TUT1: variants seen among roughly 807,000 people sequenced by gnomAD.
TUT1 encodes terminal uridylyl transferase 1, U6 snRNA-specific.
A neutral mutation model predicts 48.8 loss-of-function variants in TUT1; 26 were observed. The ratio of observed to expected loss-of-function variants is 0.53; its 90% confidence interval spans 0.39 to 0.74. The LOEUF (loss-of-function observed/expected upper bound fraction) is 0.74. Among genes scored for constraint, TUT1 ranks in the 30% least tolerant of loss-of-function variants. The probability of loss-of-function intolerance (pLI) is 0.00; values close to 1 mark genes in which losing one functional copy is unlikely to be tolerated. For missense variants in TUT1, 1,065 were observed against 1,114.8 expected, an observed-to-expected ratio of 0.96 and a Z score of 0.64; for synonymous variants, 470 against 460.8, an observed-to-expected ratio of 1.02 and a Z score of -0.26.
Position 62,578,629 on chromosome 11 carries a change from G to C in TUT1, c.1092C>G (p.Ala364=), listed in dbSNP as rs1941770740. Residue 364 remains alanine (A), a synonymous_variant, in exon 5 of 9, where the codon GCC becomes GCG. Coordinates refer to ENST00000476907, the MANE Select transcript of TUT1 (RefSeq NM_022830.3). ...GVYRVQTVPS[A]RRPVVKFCHR... The stretch of plus-strand genomic sequence containing the variant: ...GACAGAACTTGACCACAGGGCGCCG[G>C]GCAGAGGGCACAGTTTGGACTCGAT... The C allele has an allele frequency of 1.2e-6, 2 of 1,614,018 alleles. No homozygotes were observed. The highest frequency in any genetic ancestry group is 1.6e-4 in the Middle Eastern group (1 of 6,084).
Position 62,575,984 on chromosome 11 carries a change from A to T in TUT1, c.1735T>A (p.Tyr579Asn). 6.2e-7 allele frequency: 1 copy of T among 1,614,000 alleles called. No homozygotes were observed. Among genetic ancestry groups the T allele is most frequent in the African/African-American group, 1.3e-5 (1 of 75,056 alleles). Residue 579 changes from tyrosine to asparagine, a missense_variant, in exon 9 of 9, where the codon TAC becomes AAC. Physicochemically the swap from Tyr to Asn is moderately radical, Grantham distance 143. Coordinates refer to ENST00000476907, the MANE Select transcript of TUT1 (RefSeq NM_022830.3). The stretch of plus-strand genomic sequence containing the variant: ...CGACCCCGGGAGGAACGGCGCTGGT[A>T]CTGGAGGCTTCGGCAGTAATTGGCT... ...AAANYCRSLQ[Y>N]QRRSSRGRDW...
intron 2 of TUT1, 75 bp downstream of exon 2, chr11:62,588,956 A>G: frequency 1.4e-6 from 2 of 1,412,240 alleles, no homozygotes; most frequent in Non-Finnish European, 1.9e-6. Context: ...AGCCTCCCAA[A>G]GTGATGGGAT....
intron 2 of TUT1, among the ~76,000 whole-genome samples, chr11:62,586,057 G>A (rs546761348): frequency 3.7e-4 from 56 of 152,282 alleles, no homozygotes; most frequent in African/African-American, 1.3e-3. Context: ...AGCTGAGATC[G>A]CCCCAAGCCA....
rs780558441 is a variant in TUT1 at position 62,576,976 on chromosome 11, C to T, written c.1312G>A (p.Val438Met). 28 of 1,614,088 alleles carry T rather than the reference C, an allele frequency of 1.7e-5. No individual in the cohort carries two copies. In the East Asian group the frequency reaches 4.7e-4, roughly 27 times the overall value. Residue 438 changes from valine (V) to methionine (M), a missense_variant, in exon 7 of 9, where the codon GTG (valine) becomes ATG (methionine). By Grantham distance (21) the Val-to-Met change is conservative. Transcript: ENST00000476907. ...TCCCTGGTCTGAAGAAAATAGATCA[C>T]CAGCAAGGTCAGGGCGTAGTTACTG... ...LLSNYALTLLVIYFLQTRDPP... is the reference protein window; with the variant it reads ...LLSNYALTLLMIYFLQTRDPP...
In TUT1 at chr11:62,575,406, C is replaced by G; in HGVS notation, c.2313G>C (p.Trp771Cys). The G allele has an allele frequency of 6.2e-7, 1 of 1,612,072 alleles. No individual in the cohort carries two copies. The highest frequency in any genetic ancestry group is 1.1e-5 in the South Asian group (1 of 91,076). ...PSSASWRCAL[W>C]HRVWQGRRRA... ...GCCGCCGCCCTTGCCACACTCGGTG[C>G]CACAAGGCACAGCGCCAGCTCGCTG... The change falls in exon 9 of 9, where the codon TGG becomes TGC. Residue 771 changes from tryptophan (W) to cysteine (C), a missense_variant. Physicochemically the swap from Trp to Cys is radical, Grantham distance 215 (BLOSUM62 -2). Coordinates refer to ENST00000476907, the MANE Select transcript of TUT1 (RefSeq NM_022830.3).
rs778837490 is a variant in TUT1, at chr11:62,578,601, G to A, written c.1120C>T (p.Arg374Trp). Residue 374 changes from arginine to tryptophan, a missense_variant, in exon 5 of 9, where the codon CGG (arginine) becomes TGG (tryptophan). By Grantham distance (101) the Arg-to-Trp change is moderately radical. Transcript: ENST00000476907. ...ACATCACCGTGGAGACCTGAAGGCC[G>A]ATGACAGAACTTGACCACAGGGCGC... Reference protein sequence around the residue: ...ARRPVVKFCHRPSGLHGDVSL... With the variant: ...ARRPVVKFCHWPSGLHGDVSL... 19 of 1,613,092 alleles carry A rather than the reference G, an allele frequency of 1.2e-5. No homozygotes were observed. The highest frequency in any genetic ancestry group is 3.3e-4 in the Middle Eastern group (2 of 6,058).
chr11:62,575,938 AGAG>A lies in TUT1; in HGVS notation c.1778_1780del (p.Pro593del). On this transcript the variant is annotated inframe_deletion, in exon 9 of 9. Transcript: ENST00000476907. Reference sequence around the variant, plus strand: ...GGAGCTGGGGGAGCTGGGCTGCAGAAGAGGGAGCAGCCCCCAGTCCCGACCCCG... The same window carrying A: ...GGAGCTGGGGGAGCTGGGCTGCAGAAGGAGCAGCCCCCAGTCCCGACCCCG... 5 of 1,614,154 alleles carry A rather than the reference AGAG, an allele frequency of 3.1e-6. No homozygotes were observed. The highest frequency in any genetic ancestry group is 4.2e-6 in the Non-Finnish European group (5 of 1,180,008).
intron 2 of TUT1, among the ~76,000 whole-genome samples, chr11:62,587,408 C>T (rs1173299722): frequency 6.6e-6 from 1 of 151,824 alleles, no homozygotes; most frequent in Non-Finnish European, 1.5e-5. Context: ...CTCGAACTCC[C>T]GACCTCACAT....
chr11:62,575,760 A>G lies in TUT1; in HGVS notation c.1959T>C (p.Ser653=). The change falls in exon 9 of 9, where the codon TCT becomes TCC. Residue 653 remains serine, a synonymous_variant. Transcript: ENST00000476907. ...RSEGGGTGES[S]QGGTSKRLKV... is the part of the protein sequence containing the mutation. ...TGAGTCTTTTGCTTGTCCCTCCCTG[A>G]GAGGACTCCCCAGTTCCACCTCCTT... The G allele has an allele frequency of 6.2e-7, 1 of 1,613,974 alleles. No individual in the cohort carries two copies. The highest frequency in any genetic ancestry group is 8.5e-7 in the Non-Finnish European group (1 of 1,179,972).
chr11:62,580,719 C>T (rs919652342), intron 4 of TUT1, among the ~76,000 whole-genome samples: 1 of 149,510 alleles, frequency 6.7e-6, no homozygotes, highest in Non-Finnish European at 1.5e-5. Context: ...TCTCCTGCCT[C>T]GGCCTCCCAA....
At chr11:62,586,220 T>G (rs994144972) in intron 2 of TUT1, among the ~76,000 whole-genome samples, 1 of 152,350 alleles carries the variant, frequency 6.6e-6, no homozygotes, top group South Asian at 2.1e-4. Flanking sequence ...GAGGGCTTAT[T>G]ATAAACTAAG....
chr11:62,576,922 G>A lies in TUT1; in HGVS notation c.1366C>T (p.Leu456Phe), dbSNP rs758440085. 38 of 1,614,100 alleles carry A rather than the reference G, an allele frequency of 2.4e-5. No homozygotes were observed. The highest frequency in any genetic ancestry group is 2.9e-5 in the Non-Finnish European group (34 of 1,179,988). Residue 456 changes from leucine to phenylalanine, a missense_variant, in exon 7 of 9, where the codon CTC becomes TTC. By Grantham distance (22) the Leu-to-Phe change is conservative. Coordinates refer to ENST00000476907, the MANE Select transcript of TUT1 (RefSeq NM_022830.3). Reference sequence around the variant, plus strand: ...GGCCGAGTACCTGCTTTCTGGGTGAGCTGGGACACAGTGGGCAACACAGGA... The same window carrying A: ...GGCCGAGTACCTGCTTTCTGGGTGAACTGGGACACAGTGGGCAACACAGGA... ...DPPVLPTVSQ[L>F]TQKAGEGEQV... is the part of the protein sequence containing the mutation.
In TUT1 at chr11:62,581,098, T is replaced by C; in HGVS notation, c.690+8A>G. On this transcript the variant is annotated splice_region_variant and intron_variant, in intron 4 of 8. Coordinates refer to ENST00000476907, the MANE Select transcript of TUT1 (RefSeq NM_022830.3). ...TTTCCCAGCTGCCTCCCTGGGACAC[T>C]CACTCACCTGGGGCTCTTCCAAGTC... The C allele has an allele frequency of 6.2e-7, 1 of 1,611,980 alleles. No individual in the cohort carries two copies. The highest frequency in any genetic ancestry group is 8.5e-7 in the Non-Finnish European group (1 of 1,178,368).
intron 5 of TUT1, among the ~76,000 whole-genome samples, chr11:62,577,680 G>A (rs759005122): frequency 1.3e-5 from 2 of 152,086 alleles, no homozygotes; most frequent in Non-Finnish European, 2.9e-5. Flanking sequence ...AGAGGGCAAG[G>A]GGCGAAGGGA....
chr11:62,580,958 C>A lies in TUT1; in HGVS notation c.690+148G>T, dbSNP rs1346132154. The A allele has an allele frequency of 2.9e-5, 19 of 653,228 alleles. No homozygotes were observed. In the East Asian group the frequency reaches 4.8e-4, roughly 16 times the overall value. 40.5% of individuals were successfully genotyped at this position (653,228 alleles called of 1,614,324 possible). A position where few individuals can be genotyped will look rare whatever the true frequency, so the allele number is the denominator to read the frequency against. The stretch of plus-strand genomic sequence containing the variant: ...CTAATACTCATCCATATTCACATCT[C>A]TCCAATTACAATAAACTCTTTCAGG... On this transcript the variant is annotated intron_variant, in intron 4 of 8. Transcript: ENST00000476907.
intron 2 of TUT1, among the ~76,000 whole-genome samples, chr11:62,584,440 CTTTTTT>C (rs35237248): frequency 1.5e-5 from 2 of 130,098 alleles, no homozygotes; most frequent in East Asian, 2.2e-4. Flanking sequence ...AAATTGTATA[CTTTTTT>C]TTTTTTTTTT....
chr11:62,591,281 A>AG (rs1942008989), intron 1 of TUT1, 123 bp downstream of exon 1: 13 of 1,398,934 alleles, frequency 9.3e-6, no homozygotes, highest in African/African-American at 1.5e-5. Context: ...AGAAAAACGG[A>AG]GGTGAGAGAC....
chr11:62,575,710 C>T lies in TUT1; in HGVS notation c.2009G>A (p.Cys670Tyr), dbSNP rs375291416. 6.2e-7 allele frequency: 1 copy of T among 1,614,068 alleles called. No homozygotes were observed. The highest frequency in any genetic ancestry group is 8.5e-7 in the Non-Finnish European group (1 of 1,180,034). The stretch of plus-strand genomic sequence containing the variant: ...CTGCTGCTCCTCTTTCCCCTCCTCA[C>T]AGCAGTTTTTCTGTCCATCTACTTT... ...RLKVDGQKNC[C>Y]EEGKEEQQGC... is the part of the protein sequence containing the mutation. Residue 670 changes from cysteine to tyrosine, a missense_variant, in exon 9 of 9, where the codon TGT becomes TAT. By Grantham distance (194) the Cys-to-Tyr change is radical (BLOSUM62 -2). Coordinates refer to ENST00000476907, the MANE Select transcript of TUT1 (RefSeq NM_022830.3).
chr11:62,576,655 A>G lies in TUT1; in HGVS notation c.1474+2T>C. The G allele has an allele frequency of 6.2e-7, 1 of 1,613,740 alleles. No individual in the cohort carries two copies. Among genetic ancestry groups the G allele is most frequent in the South Asian group, 1.1e-5 (1 of 91,068 alleles). On this transcript the variant is annotated splice_donor_variant, in intron 8 of 8. Coordinates refer to ENST00000476907, the MANE Select transcript of TUT1 (RefSeq NM_022830.3). LOFTEE classifies it high-confidence loss of function. ...GTCCTCTACCAGGCTCCCCAAACTC[A>G]CTGAGGGGCTCCACATTTATGCTGG...
Sources: allele counts gnomAD v4.1 joint callset (sites outside exome capture counted in the v4.1 genomes callset), GRCh38; gene constraint gnomAD v4.1.1; transcripts MANE v1.5; gene names NCBI Gene and HGNC (gene_info 2026-07-23, HGNC 2026-07-21).